The following ZNF69 variants were observed in gnomAD, a reference collection of about 807,000 sequenced individuals.
The protein encoded by ZNF69 is ZNF3.
A neutral mutation model predicts 50.9 loss-of-function variants in ZNF69; 47 were observed. The observed-to-expected ratio is 0.92, with a 90% CI of 0.73 to 1.18. The LOEUF (loss-of-function observed/expected upper bound fraction) is 1.18, where lower values mean the gene tolerates loss of function less well. Among genes scored for constraint, ZNF69 ranks in the 50% most tolerant of loss-of-function variants. The pLI is 0.00. For missense variants in ZNF69, 717 were observed against 675.1 expected, an observed-to-expected ratio of 1.06 and a Z score of -0.69; for synonymous variants, 216 against 223.1, an observed-to-expected ratio of 0.97 and a Z score of 0.29.
At chr19:11,977,563 A>G in the ZNF69 span, 14 of 1,182,522 alleles carry the variant, frequency 1.2e-5, no homozygotes, top group Admixed American at 1.3e-4. Flanking sequence ...TCTCAAAATC[A>G]TATATTTACA....
intron 1 of ZNF69, among the ~76,000 whole-genome samples, chr19:11,895,135 T>C (rs909900835): frequency 2.0e-5 from 3 of 152,238 alleles, no homozygotes; most frequent in African/African-American, 7.2e-5. Context: ...GAATAGTTCA[T>C]AGATTGCAGC....
At chr19:11,926,778 T>C in the ZNF69 span, 1 of 154,208 alleles carries the variant, frequency 6.5e-6, no homozygotes, top group Non-Finnish European at 1.5e-5. Context: ...GCTTGATTGG[T>C]TGCAGAGATG....
the ZNF69 span, among the ~76,000 whole-genome samples, chr19:11,962,865 C>A: frequency 1.3e-5 from 2 of 152,156 alleles, no homozygotes; most frequent in African/African-American, 4.8e-5. Context: ...CTCCTCCCAT[C>A]CTCCCTGATG....
At chr19:11,971,129 G>A in the ZNF69 span, among the ~76,000 whole-genome samples, 1 of 152,126 alleles carries the variant, frequency 6.6e-6, no homozygotes, top group Admixed American at 6.6e-5. Context: ...CATAGACTGG[G>A]TAACTTAAAG....
At position 11,903,993 on chromosome 19, in the gene ZNF69, T is replaced by A. The variant is rs779801241; in HGVS notation, c.251+28T>A. The A allele has an allele frequency of 1.9e-6, 3 of 1,607,344 alleles. No homozygotes were observed. In the African/African-American group the frequency reaches 4.0e-5, roughly 21 times the overall value. ...AATTTGTACTTACAAGACAAAGCAG[T>A]GTCTCTCTAGACAATCTTAGAATAT... On this transcript the variant is annotated intron_variant, in intron 3 of 3. Transcript: ENST00000429654.
At position 11,892,299 on chromosome 19, in the gene ZNF69, G is replaced by T. The variant is rs995373104; in HGVS notation, c.63+4313G>T. Among the ~76,000 whole-genome samples, 7 of 152,126 alleles carry T rather than the reference G, an allele frequency of 4.6e-5. No homozygotes were observed. In the South Asian group the frequency reaches 1.2e-3, roughly 27 times the overall value. On this transcript the variant is annotated intron_variant, in intron 1 of 3. Transcript: ENST00000429654. ...CTGGCTAGCAACTTAATTTGTTATG[G>T]TTTGCTTTTTTCCCCCAGCGCTTGT... is the stretch of plus-strand genomic sequence containing the variant.
At chr19:11,967,019 TAC>T in the ZNF69 span, among the ~76,000 whole-genome samples, 3 of 152,172 alleles carry the variant, frequency 2.0e-5, no homozygotes, top group Non-Finnish European at 2.9e-5. Flanking sequence ...AGTCGCAATG[TAC>T]AGTGTGTAGA....
chr19:11,918,357 ATTAT>A (rs1316597094), downstream of ZNF69, among the ~76,000 whole-genome samples: 1 of 152,008 alleles, frequency 6.6e-6, no homozygotes, highest in African/African-American at 2.4e-5. Context: ...TCTCTGTGTG[ATTAT>A]TTATTGCTTT....
the ZNF69 span, among the ~76,000 whole-genome samples, chr19:11,928,320 T>C: frequency 3.3e-5 from 5 of 152,232 alleles, no homozygotes; most frequent in Admixed American, 6.5e-5. Context: ...GGTTTACTTT[T>C]TTCCCCCAGA....
chr19:11,925,859 A>G, the ZNF69 span, among the ~76,000 whole-genome samples: 1 of 152,316 alleles, frequency 6.6e-6, no homozygotes, highest in Admixed American at 6.5e-5. Context: ...AGCAGCCTGG[A>G]GTAAGTGGTC....
the ZNF69 span, among the ~76,000 whole-genome samples, chr19:11,934,008 G>A: frequency 6.1e-5 from 9 of 147,532 alleles, 1 homozygote; most frequent in African/African-American, 1.9e-4. Context: ...GTAACATTAC[G>A]TTGGATGGGT....
the ZNF69 span, chr19:11,977,267 T>C: frequency 1.1e-5 from 18 of 1,602,826 alleles, no homozygotes; most frequent in Admixed American, 3.5e-5. Flanking sequence ...AATACTTTGA[T>C]GAATAAATGA....
At chr19:11,903,357 G>T (rs146789232) in intron 1 of ZNF69, among the ~76,000 whole-genome samples, 1 of 151,856 alleles carries the variant, frequency 6.6e-6, no homozygotes, top group African/African-American at 2.4e-5. Flanking sequence ...GCAGTGAGCC[G>T]AGATCACGCC....
At chr19:11,976,961 A>G in the ZNF69 span, 2 of 1,581,536 alleles carry the variant, frequency 1.3e-6, no homozygotes, top group South Asian at 2.3e-5. Flanking sequence ...GTCCACGGCA[A>G]CTTCTTGGGA....
At chr19:11,956,419 T>C in the ZNF69 span, 1 of 394,004 alleles carries the variant, frequency 2.5e-6, no homozygotes, top group South Asian at 1.4e-4. Flanking sequence ...GTAAGTGCCT[T>C]ATAATTTCCT....
the ZNF69 span, among the ~76,000 whole-genome samples, chr19:11,938,309 T>C: frequency 6.6e-6 from 1 of 152,172 alleles, no homozygotes; most frequent in African/African-American, 2.4e-5. Context: ...CATGTATACA[T>C]GTGACATGTT....
In ZNF69 at chr19:11,905,492, T is replaced by C; in HGVS notation, c.1095T>C (p.Cys365=). The stretch of plus-strand genomic sequence containing the variant: ...AAAGACCTTATGAATGTAAGATATG[T>C]GGGAAAGGCTTTTGTTCTGCCAATT... ...SGERPYECKI[C]GKGFCSANSF... Residue 365 remains cysteine, a synonymous_variant, in exon 4 of 4, where the codon TGT becomes TGC. Coordinates refer to ENST00000429654, the MANE Select transcript of ZNF69 (RefSeq NM_001364730.1). 1.2e-6 allele frequency: 2 copies of C among 1,614,178 alleles called. No homozygotes were observed. Among genetic ancestry groups the C allele is most frequent in the Non-Finnish European group, 1.7e-6 (2 of 1,180,030 alleles).
At chr19:11,925,720 C>A in the ZNF69 span, among the ~76,000 whole-genome samples, 6 of 152,150 alleles carry the variant, frequency 3.9e-5, no homozygotes, top group Non-Finnish European at 7.3e-5. Flanking sequence ...GAGCAAACAG[C>A]GATTCACGAA....
At chr19:11,958,544 C>A in the ZNF69 span, among the ~76,000 whole-genome samples, 2 of 152,184 alleles carry the variant, frequency 1.3e-5, no homozygotes, top group East Asian at 3.8e-4. Flanking sequence ...AGCGAGTGGT[C>A]TTTGGTGGGC....
Sources: gnomAD v4.1 joint callset for allele counts (sites outside exome capture counted in the v4.1 genomes callset) on GRCh38, gnomAD v4.1.1 for gene constraint, MANE v1.5 for transcripts, NCBI Gene and HGNC (gene_info 2026-07-23, HGNC 2026-07-21) for gene names.